GRIK4: variants seen among roughly 807,000 people sequenced by gnomAD.
GRIK4 encodes glutamate ionotropic receptor kainate type subunit 4.
A neutral mutation model predicts 104.9 loss-of-function variants in GRIK4; 40 were observed. That is an observed-to-expected ratio of 0.38 (90% CI 0.30 to 0.50). The LOEUF (loss-of-function observed/expected upper bound fraction) is 0.50, where lower values mean the gene tolerates loss of function less well. Among genes scored for constraint, GRIK4 ranks in the 20% least tolerant of loss-of-function variants. The pLI, the probability that GRIK4 is intolerant of heterozygous loss-of-function variation, is 0.93. For missense variants in GRIK4, 1,047 were observed against 1,308.1 expected, an observed-to-expected ratio of 0.80 and a Z score of 3.08; for synonymous variants, 485 against 524.9, an observed-to-expected ratio of 0.92 and a Z score of 1.04.
intron 9 of GRIK4, 109 bp from the exon 10 acceptor site, chr11:120,873,957 C>G (rs1954687803): frequency 2.0e-6 from 2 of 1,021,472 alleles, no homozygotes. Context: ...ATTTCCCTTT[C>G]TTTTGCTTTC....
At chr11:120,536,634 CTG>C (rs1446286725) in intron 1 of GRIK4, among the ~76,000 whole-genome samples, 1 of 152,124 alleles carries the variant, frequency 6.6e-6, no homozygotes, top group Admixed American at 6.5e-5. Context: ...GTCCTTGGGC[CTG>C]TTCTGGTTGA....
chr11:120,722,421 C>T (rs888249611), intron 3 of GRIK4, among the ~76,000 whole-genome samples: 3 of 151,906 alleles, frequency 2.0e-5, no homozygotes, highest in Non-Finnish European at 4.4e-5. Flanking sequence ...GAGTTCTGAC[C>T]AACATGGTAA....
At chr11:120,608,806 G>GT (rs1948994685) in intron 1 of GRIK4, among the ~76,000 whole-genome samples, 1 of 151,974 alleles carries the variant, frequency 6.6e-6, no homozygotes, top group Admixed American at 6.5e-5. Flanking sequence ...AAGCGCCTGT[G>GT]TCTCCTGACC....
At chr11:120,619,911 T>G in intron 1 of GRIK4, 2 of 319,348 alleles carry the variant, frequency 6.3e-6, no homozygotes. Context: ...GAGTTAACAG[T>G]GTATTATAAT....
intron 3 of GRIK4, among the ~76,000 whole-genome samples, chr11:120,778,737 T>C (rs1424611479): frequency 6.6e-6 from 1 of 152,196 alleles, no homozygotes; most frequent in Admixed American, 6.5e-5. Flanking sequence ...GCCAAGTTCA[T>C]TACACAGGGG....
At chr11:120,963,864 T>C (rs4936570) in intron 18 of GRIK4, among the ~76,000 whole-genome samples, 113,293 of 152,006 alleles carry the variant, frequency 0.75, 42,288 homozygotes, top group Middle Eastern at 0.81. Context: ...GTTGGGAGGA[T>C]TAAACCTGAT....
intron 1 of GRIK4, among the ~76,000 whole-genome samples, chr11:120,592,351 G>A (rs1166062959): frequency 6.6e-6 from 1 of 152,176 alleles, no homozygotes; most frequent in African/African-American, 2.4e-5. Flanking sequence ...TTCGGAGATG[G>A]CCGCCGTCCT....
chr11:120,916,416 A>G (rs1943106014), intron 13 of GRIK4, among the ~76,000 whole-genome samples: 1 of 152,246 alleles, frequency 6.6e-6, no homozygotes, highest in African/African-American at 2.4e-5. Flanking sequence ...AATCGGGACA[A>G]CCAGGATGGA....
chr11:120,824,774 C>A (rs1265802835), intron 6 of GRIK4, among the ~76,000 whole-genome samples: 1 of 148,868 alleles, frequency 6.7e-6, no homozygotes, highest in Non-Finnish European at 1.5e-5. Context: ...GGTCTCGAAC[C>A]CCTGACCTCA....
At chr11:120,839,473 A>T (rs1357890885) in intron 8 of GRIK4, among the ~76,000 whole-genome samples, 2 of 152,198 alleles carry the variant, frequency 1.3e-5, no homozygotes. Flanking sequence ...GCCTCGGGAG[A>T]TAATGTACAC....
chr11:120,871,622 G>T (rs1316221875), intron 9 of GRIK4: 6 of 456,316 alleles, frequency 1.3e-5, no homozygotes, highest in Non-Finnish European at 2.6e-5. Flanking sequence ...GACAGGAAGG[G>T]AGTTGGAGCA....
intron 1 of GRIK4, among the ~76,000 whole-genome samples, chr11:120,609,516 C>CTTTT (rs58736481): frequency 8.8e-5 from 5 of 57,130 alleles, no homozygotes; most frequent in East Asian, 5.9e-4. Flanking sequence ...TTTGCAGTTG[C>CTTTT]TTTTTTTTTT....
chr11:120,945,361 T>C (rs1943834178), intron 14 of GRIK4, among the ~76,000 whole-genome samples: 1 of 152,206 alleles, frequency 6.6e-6, no homozygotes, highest in Non-Finnish European at 1.5e-5. Context: ...TATCTATCTC[T>C]CCCTTTGTAT....
intron 11 of GRIK4, among the ~76,000 whole-genome samples, chr11:120,886,894 C>A (rs756368320): frequency 6.6e-6 from 1 of 152,178 alleles, no homozygotes; most frequent in Non-Finnish European, 1.5e-5. Flanking sequence ...ATCTTATATT[C>A]CTGCGGTCAA....
Position 120,592,252 on chromosome 11 carries a change from C to T in GRIK4, c.-158-61433C>T, listed in dbSNP as rs188034393. On this transcript the variant is annotated intron_variant, in intron 1 of 20. Transcript: ENST00000527524. ...GAATCAGTGCCAATTACAGATCCTT[C>T]TGAAAAGATGATGAAGCAGCCCAGA... 2.4e-3 allele frequency among the ~76,000 whole-genome samples: 360 copies of T among 152,320 alleles called. 1 individual carries two copies. Among genetic ancestry groups the T allele is most frequent in the African/African-American group, 7.6e-3 (315 of 41,556 alleles).
At chr11:120,824,514 C>G (rs1953204188) in intron 6 of GRIK4, among the ~76,000 whole-genome samples, 1 of 151,180 alleles carries the variant, frequency 6.6e-6, no homozygotes, top group African/African-American at 2.4e-5. Context: ...TCCTACATGT[C>G]TCAAATCTTA....
chr11:120,529,940 A>G (rs1444308325), intron 1 of GRIK4, among the ~76,000 whole-genome samples: 2 of 152,210 alleles, frequency 1.3e-5, no homozygotes, highest in Non-Finnish European at 2.9e-5. Context: ...ACAGCTGGTA[A>G]GCAGTAGAGC....
chr11:120,657,013 G>A (rs371233482), intron 2 of GRIK4, among the ~76,000 whole-genome samples: 3 of 152,152 alleles, frequency 2.0e-5, no homozygotes, highest in African/African-American at 7.2e-5. Flanking sequence ...TAATTATGGT[G>A]CAGCATGCTG....
intron 12 of GRIK4, among the ~76,000 whole-genome samples, chr11:120,899,698 A>G (rs766915173): frequency 1.3e-5 from 2 of 152,196 alleles, no homozygotes; most frequent in Non-Finnish European, 2.9e-5. Context: ...AGATTTGTCA[A>G]TTAAACCAAC....
Sources: allele counts gnomAD v4.1 joint callset (sites outside exome capture counted in the v4.1 genomes callset), GRCh38; gene constraint gnomAD v4.1.1; transcripts MANE v1.5; gene names NCBI Gene and HGNC (gene_info 2026-07-23, HGNC 2026-07-21).